Variants in PDE6B observed in about 807,000 individuals in gnomAD.
The protein encoded by PDE6B is rod cGMP-specific 3',5'-cyclic phosphodiesterase subunit beta.
In PDE6B, 106 loss-of-function variants were observed where a neutral mutation model predicts 109.0. The ratio of observed to expected loss-of-function variants is 0.97; its 90% CI spans 0.83 to 1.14. PDE6B has a LOEUF of 1.14. PDE6B is among the 50% of genes most tolerant of loss of function. The pLI is 0.00. For synonymous variants in PDE6B, 490 were observed against 471.3 expected (o/e 1.04, Z -0.51); for missense variants, 1,193 against 1,155.6 (o/e 1.03, Z -0.47).
chr4:641,163 G>A (rs1452586610), intron 3 of PDE6B, among the ~76,000 whole-genome samples: 1 of 152,190 alleles, frequency 6.6e-6, no homozygotes, highest in Non-Finnish European at 1.5e-5. Context: ...TCTTCCAATT[G>A]ATAAACACAG....
rs1022875795 is a variant in PDE6B at position 666,120 on chromosome 4, G to A, written c.2269-411G>A. ...GTCTGACACTAGAAACAGCTCCAGA[G>A]CACGTCTGTGTCTGCCCCAGGCGAG... is the stretch of plus-strand genomic sequence containing the variant. On this transcript the variant is annotated intron_variant, in intron 19 of 21. Coordinates refer to ENST00000496514, the MANE Select transcript of PDE6B (RefSeq NM_000283.4). The surrounding 1 kb of genome is among the most constrained non-coding windows in gnomAD (Gnocchi z 5.6). Among the ~76,000 whole-genome samples, 3 of 152,184 alleles carry A rather than the reference G, an allele frequency of 2.0e-5. No individual in the cohort carries two copies. Among genetic ancestry groups the A allele is most frequent in the African/African-American group, 7.2e-5 (3 of 41,432 alleles).
At chr4:630,245 G>A (rs925734926) in intron 1 of PDE6B, among the ~76,000 whole-genome samples, 2 of 152,184 alleles carry the variant, frequency 1.3e-5, no homozygotes, top group Non-Finnish European at 2.9e-5. Context: ...GTGGCCGAGG[G>A]GAGTTTGCAG....
chr4:653,132 G>T (rs191177585), intron 3 of PDE6B: 5 of 986,252 alleles, frequency 5.1e-6, no homozygotes, highest in Admixed American at 5.7e-5. Flanking sequence ...AGTGCCAGGG[G>T]GTGGAACTTC....
intron 1 of PDE6B, among the ~76,000 whole-genome samples, chr4:632,807 C>T (rs1289407295): frequency 1.3e-5 from 2 of 151,244 alleles, no homozygotes; most frequent in East Asian, 2.0e-4. Flanking sequence ...TGCCGAGGGT[C>T]ACATTGTGTG....
chr4:664,171 G>A lies in PDE6B; in HGVS notation c.2079G>A (p.Lys693=). Residue 693 remains lysine, a synonymous_variant, in exon 17 of 22, where the codon AAG becomes AAA. Transcript: ENST00000496514. ...VDESKNYQDK[K]SWVEYLSLET... ...AGTCCAAGAACTACCAGGACAAGAA[G>A]AGCTGGGTGGAGTACCTGTCCCTGG... 1 of 1,612,354 alleles carries A rather than the reference G, an allele frequency of 6.2e-7. No individual in the cohort carries two copies. The highest frequency in any genetic ancestry group is 8.5e-7 in the Non-Finnish European group (1 of 1,178,624).
chr4:657,750 G>A (rs531718830), intron 10 of PDE6B, among the ~76,000 whole-genome samples: 1 of 146,262 alleles, frequency 6.8e-6, no homozygotes, highest in Non-Finnish European at 1.5e-5. Flanking sequence ...GCATCCAGGG[G>A]TCACCCAGGG....
rs1226142647 is a variant in PDE6B, at chr4:648,231, C to G, written c.712-5621C>G. On this transcript the variant is annotated intron_variant, in intron 3 of 21. Coordinates refer to ENST00000496514, the MANE Select transcript of PDE6B (RefSeq NM_000283.4). This position sits in a 1 kb window ranked among gnomAD's most constrained non-coding sequence, Gnocchi z 4.5. ...GTCTGCAGGCATGTGGAGACCAGCT[C>G]AAGGTTCTAACACGTGACCTTGTGT... Among the ~76,000 whole-genome samples the G allele has an allele frequency of 6.6e-6, 1 of 152,010 alleles. No homozygotes were observed. Among genetic ancestry groups the G allele is most frequent in the Non-Finnish European group, 1.5e-5 (1 of 68,038 alleles).
intron 3 of PDE6B, among the ~76,000 whole-genome samples, chr4:642,565 A>G (rs1368487045): frequency 6.6e-6 from 1 of 151,968 alleles, no homozygotes; most frequent in Non-Finnish European, 1.5e-5. Context: ...AGGCTAAGGC[A>G]GGCAGATAGC....
chr4:640,290 C>A (rs936334375), intron 3 of PDE6B, among the ~76,000 whole-genome samples: 2 of 152,034 alleles, frequency 1.3e-5, no homozygotes, highest in Non-Finnish European at 2.9e-5. Context: ...AATCCCAGCA[C>A]TTTGGGAGGC....
intron 10 of PDE6B, among the ~76,000 whole-genome samples, 161 bp from the exon 11 acceptor site, chr4:658,791 C>T (rs1205449262): frequency 3.3e-5 from 5 of 152,154 alleles, no homozygotes; most frequent in Non-Finnish European, 5.9e-5. Context: ...GCCATGCACA[C>T]GGTCATTTGT....
chr4:646,061 A>G (rs1735187680), intron 3 of PDE6B, among the ~76,000 whole-genome samples: 1 of 151,938 alleles, frequency 6.6e-6, no homozygotes, highest in South Asian at 2.1e-4. Flanking sequence ...CCTGTCATTT[A>G]TTTATTTTCT....
At chr4:654,963 C>T (rs1335303179) in intron 6 of PDE6B, 75 bp downstream of exon 6, 13 of 912,302 alleles carry the variant, frequency 1.4e-5, no homozygotes, top group East Asian at 4.8e-5. Context: ...CCCCCAGGGC[C>T]GTCCTCCCAG....
chr4:665,968 G>A lies in PDE6B; in HGVS notation c.2269-563G>A, dbSNP rs922240589. Among the ~76,000 whole-genome samples, 4 of 152,194 alleles carry A rather than the reference G, an allele frequency of 2.6e-5. No homozygotes were observed. Among genetic ancestry groups the A allele is most frequent in the African/African-American group, 9.7e-5 (4 of 41,436 alleles). ...CTCGGCAGGAAAGGGGGCATTGGTT[G>A]GTCAGCAAAGCCCCACAGGGGAAGG... On this transcript the variant is annotated intron_variant, in intron 19 of 21. Transcript: ENST00000496514. This position sits in a 1 kb window ranked among gnomAD's most constrained non-coding sequence, Gnocchi z 4.0.
intron 3 of PDE6B, among the ~76,000 whole-genome samples, chr4:644,912 C>T (rs1735126197): frequency 6.6e-6 from 1 of 152,070 alleles, no homozygotes; most frequent in African/African-American, 2.4e-5. Context: ...TACTAAGTCT[C>T]CAACAGTAGT....
intron 3 of PDE6B, among the ~76,000 whole-genome samples, chr4:638,736 G>A (rs1734809221): frequency 6.6e-6 from 1 of 152,196 alleles, no homozygotes; most frequent in Non-Finnish European, 1.5e-5. Context: ...CAGTAATGAG[G>A]GGTCCTCGTT....
intron 12 of PDE6B, chr4:661,853 G>T: frequency 2.0e-6 from 1 of 489,198 alleles, no homozygotes; most frequent in Non-Finnish European, 3.8e-6. Context: ...CTTGAGGCCA[G>T]GCAGTCGGAT....
At chr4:634,537 T>A (rs1259624397) in intron 1 of PDE6B, 140 bp from the exon 2 acceptor site, 2 of 792,966 alleles carry the variant, frequency 2.5e-6, no homozygotes, top group Non-Finnish European at 4.6e-6. Context: ...GGTGGCCACA[T>A]CCCAGTGCCC....
At position 663,910 on chromosome 4, in the gene PDE6B, G is replaced by C. The variant is rs920443878; in HGVS notation, c.2021+40G>C. ...GGAGGGGGCGCCTCGCGGGGCGGGCGGGTAGCCTGGGACCCCCGGCAGACA... is the reference window on the plus strand; with the variant it reads ...GGAGGGGGCGCCTCGCGGGGCGGGCCGGTAGCCTGGGACCCCCGGCAGACA... On this transcript the variant is annotated intron_variant, in intron 16 of 21. Coordinates refer to ENST00000496514, the MANE Select transcript of PDE6B (RefSeq NM_000283.4). The surrounding 1 kb of genome is among the most constrained non-coding windows in gnomAD (Gnocchi z 4.0). 12 of 1,459,680 alleles carry C rather than the reference G, an allele frequency of 8.2e-6. No individual in the cohort carries two copies. The highest frequency in any genetic ancestry group is 1.1e-5 in the Non-Finnish European group (12 of 1,056,306). 90.4% of individuals were successfully genotyped at this position (1,459,680 alleles called of 1,614,324 possible).
chr4:664,349 C>A (rs1655409782), intron 17 of PDE6B, 128 bp downstream of exon 17: 2 of 710,636 alleles, frequency 2.8e-6, no homozygotes, highest in Admixed American at 4.0e-5. Context: ...GGCAGCTTGT[C>A]GAGGGCTGTG....
Sources: allele counts gnomAD v4.1 joint callset (sites outside exome capture counted in the v4.1 genomes callset), GRCh38; gene constraint gnomAD v4.1.1; non-coding constraint Gnocchi (gnomAD v3.1); transcripts MANE v1.5; gene names NCBI Gene and HGNC (gene_info 2026-07-23, HGNC 2026-07-21).